MYO7A: variants seen among roughly 807,000 people sequenced by gnomAD.
MYO7A encodes the protein myosin VIIA, also known as unconventional myosin-VIIa.
Under a neutral mutation model 263.8 loss-of-function variants are expected in MYO7A, and 210 were observed. The observed-to-expected ratio is 0.80, with a 90% confidence interval of 0.71 to 0.89. The LOEUF (loss-of-function observed/expected upper bound fraction) is 0.89. Among genes scored for constraint, MYO7A ranks in the 40% least tolerant of loss-of-function variants. MYO7A has a pLI of 0.00. For synonymous variants in MYO7A, 1,239 were observed against 1,197.3 expected (o/e 1.03, Z -0.72); for missense variants, 2,820 against 2,968.3 (o/e 0.95, Z 1.16).
chr11:77,138,832 T>C lies in MYO7A; in HGVS notation c.19-3877T>C, dbSNP rs1555048962. Among the ~76,000 whole-genome samples, 1 of 152,218 alleles carries C rather than the reference T, an allele frequency of 6.6e-6. No homozygotes were observed. Among genetic ancestry groups the C allele is most frequent in the Non-Finnish European group, 1.5e-5 (1 of 68,040 alleles). The stretch of plus-strand genomic sequence containing the variant: ...GTTTAGCAACTAGACACTAGCAAGA[T>C]GCTTGGCTCACGTTTCCCATCTGTG... On this transcript the variant is annotated intron_variant, in intron 2 of 48. Transcript: ENST00000409709. The surrounding 1 kb of genome is among the most constrained non-coding windows in gnomAD (Gnocchi z 4.9).
intron 21 of MYO7A, 43 bp from the exon 22 acceptor site, chr11:77,180,331 G>T (rs782127624): frequency 1.3e-6 from 2 of 1,554,870 alleles, no homozygotes; most frequent in Non-Finnish European, 1.8e-6. Flanking sequence ...TGCAACAACA[G>T]CTACACACAT....
At position 77,201,428 on chromosome 11, in the gene MYO7A, C is replaced by T. The variant is rs1164905344; in HGVS notation, c.4853-20C>T. 3 of 1,607,810 alleles carry T rather than the reference C, an allele frequency of 1.9e-6. No individual in the cohort carries two copies. Among genetic ancestry groups the T allele is most frequent in the Non-Finnish European group, 2.5e-6 (3 of 1,176,796 alleles). ...CAGCCTGTCTCTGCCCCCATGGTCCCACTCACCTCTGCTCTACAGCAGGCG... is the reference window on the plus strand; with the variant it reads ...CAGCCTGTCTCTGCCCCCATGGTCCTACTCACCTCTGCTCTACAGCAGGCG... On this transcript the variant is annotated intron_variant, in intron 35 of 48. Transcript: ENST00000409709.
At chr11:77,189,785 G>A (rs1023629142) in intron 28 of MYO7A, among the ~76,000 whole-genome samples, 7 of 152,240 alleles carry the variant, frequency 4.6e-5, no homozygotes, top group Admixed American at 3.9e-4. Flanking sequence ...GGACCGACCC[G>A]ACTGGCTGGT....
chr11:77,191,282 T>G (rs1956048411), intron 30 of MYO7A: 1 of 162,536 alleles, frequency 6.2e-6, no homozygotes, highest in Non-Finnish European at 1.3e-5. Context: ...ATCGCACCAC[T>G]GCACTCCAGC....
At chr11:77,144,901 G>A (rs1555052793) in intron 3 of MYO7A, among the ~76,000 whole-genome samples, 2 of 152,182 alleles carry the variant, frequency 1.3e-5, no homozygotes, top group African/African-American at 4.8e-5. Context: ...GTCCAGGCCA[G>A]CTCTTTCCCA....
intron 1 of MYO7A, among the ~76,000 whole-genome samples, chr11:77,128,783 G>C (rs1555045271): frequency 6.6e-6 from 1 of 152,184 alleles, no homozygotes; most frequent in Non-Finnish European, 1.5e-5. Context: ...GAATAGACAT[G>C]CTGTGGTGGC....
intron 40 of MYO7A, 32 bp from the exon 41 acceptor site, chr11:77,206,065 C>A: frequency 6.5e-7 from 1 of 1,549,098 alleles, no homozygotes; most frequent in Admixed American, 1.8e-5. Flanking sequence ...GTCCCACGCA[C>A]ATGCCCCCTG....
chr11:77,192,390 C>T, intron 31 of MYO7A, 112 bp downstream of exon 31: 3 of 1,097,692 alleles, frequency 2.7e-6, no homozygotes, highest in Non-Finnish European at 4.1e-6. Flanking sequence ...TGGGGTGAGC[C>T]TGACTGCAAC....
chr11:77,164,105 C>T lies in MYO7A; in HGVS notation c.1690+1117C>T, dbSNP rs187988682. Reference sequence around the variant, plus strand: ...AAGACCAAGCATGAGCTTTGAAGACCGTGCATCTTCTTTTCCCCTGGGGAC... The same window carrying T: ...AAGACCAAGCATGAGCTTTGAAGACTGTGCATCTTCTTTTCCCCTGGGGAC... On this transcript the variant is annotated intron_variant, in intron 14 of 48. Transcript: ENST00000409709. 6.6e-5 allele frequency among the ~76,000 whole-genome samples: 10 copies of T among 152,300 alleles called. No homozygotes were observed. The East Asian group carries it at 7.7e-4, about 12-fold the overall frequency.
chr11:77,132,498 T>G (rs1950795958), intron 2 of MYO7A, among the ~76,000 whole-genome samples: 1 of 152,114 alleles, frequency 6.6e-6, no homozygotes, highest in Non-Finnish European at 1.5e-5. Flanking sequence ...TTTGTGTGTG[T>G]GTTTGTTTTG....
chr11:77,136,866 C>T lies in MYO7A; in HGVS notation c.19-5843C>T, dbSNP rs570166021. Among the ~76,000 whole-genome samples the T allele has an allele frequency of 7.2e-5, 11 of 152,286 alleles. No homozygotes were observed. In the South Asian group the frequency reaches 1.5e-3, roughly 20 times the overall value. On this transcript the variant is annotated intron_variant, in intron 2 of 48. Coordinates refer to ENST00000409709, the MANE Select transcript of MYO7A (RefSeq NM_000260.4). The stretch of plus-strand genomic sequence containing the variant: ...TAGTGGCCATGCTATCCTATGTCTC[C>T]GGGACTGATCTGCCTCTTATCTGGT...
Position 77,179,138 on chromosome 11 carries a change from C to T in MYO7A, c.2367+9C>T, listed in dbSNP as rs1202106053. 1.9e-6 allele frequency: 3 copies of T among 1,591,306 alleles called. No homozygotes were observed. The African/African-American group carries it at 4.0e-5, about 21-fold the overall frequency. ...GGAAGAACTACGGGCTGGTGAGCCT[C>T]CCCATGGGCTGCTCTTGCCCAAACA... On this transcript the variant is annotated intron_variant, in intron 20 of 48. Transcript: ENST00000409709.
intron 27 of MYO7A, 120 bp from the exon 28 acceptor site, chr11:77,189,224 G>A: frequency 7.0e-7 from 1 of 1,425,994 alleles, no homozygotes; most frequent in Non-Finnish European, 9.5e-7. Context: ...CTCCTCCCGG[G>A]TGGTCTTGGC....
rs1013364553 is a variant in MYO7A at position 77,200,052 on chromosome 11, T to C, written c.4852+234T>C. Among the ~76,000 whole-genome samples, 6 of 152,144 alleles carry C rather than the reference T, an allele frequency of 3.9e-5. No homozygotes were observed. The South Asian group carries it at 1.2e-3, about 32-fold the overall frequency. On this transcript the variant is annotated intron_variant, in intron 35 of 48. Coordinates refer to ENST00000409709, the MANE Select transcript of MYO7A (RefSeq NM_000260.4). ...GGGAGGCTGAGATGGGAGGATCACT[T>C]GAGGCCAGGAGTTCAAGACCAGCCT...
At position 77,160,898 on chromosome 11, in the gene MYO7A, C is replaced by T. The variant is rs1477123326; in HGVS notation, c.1201-75C>T. The T allele has an allele frequency of 2.2e-5, 34 of 1,525,614 alleles. 1 individual carries two copies. The highest frequency in any genetic ancestry group is 9.8e-5 in the Admixed American group (5 of 51,126). The allele number at this position is 1,525,614 out of a possible 1,614,324, so 94.5% of individuals were successfully genotyped here. A position where few individuals can be genotyped will look rare whatever the true frequency, so the allele number is the denominator to read the frequency against. ...CCACACAAGGGCTGGAGCGACACCA[C>T]GAAGGGTCCAGGAGCCTGGCCTGTC... On this transcript the variant is annotated intron_variant, in intron 11 of 48. Coordinates refer to ENST00000409709, the MANE Select transcript of MYO7A (RefSeq NM_000260.4).
intron 4 of MYO7A, among the ~76,000 whole-genome samples, chr11:77,148,848 A>G (rs1951768306): frequency 6.6e-6 from 1 of 152,232 alleles, no homozygotes; most frequent in Non-Finnish European, 1.5e-5. Flanking sequence ...TTGTTTTTAC[A>G]GATTTTTTCA....
chr11:77,170,463 C>G (rs562346191), intron 15 of MYO7A, among the ~76,000 whole-genome samples: 5 of 152,256 alleles, frequency 3.3e-5, no homozygotes, highest in African/African-American at 1.2e-4. Context: ...CACTGTGGGT[C>G]CCTACAAGGA....
At chr11:77,162,406 C>A (rs1237443042) in intron 13 of MYO7A, 76 bp downstream of exon 13, 8 of 1,392,920 alleles carry the variant, frequency 5.7e-6, no homozygotes, top group Non-Finnish European at 7.9e-6. Flanking sequence ...CCCCGGCTTT[C>A]CTCATCTGCA....
chr11:77,204,307 T>A, intron 39 of MYO7A, 78 bp downstream of exon 39: 1 of 1,508,768 alleles, frequency 6.6e-7, no homozygotes, highest in Non-Finnish European at 9.0e-7. Flanking sequence ...CTGAGGCAGC[T>A]GCTGGCTCTG....
Sources: gnomAD v4.1 joint callset for allele counts (sites outside exome capture counted in the v4.1 genomes callset) on GRCh38, gnomAD v4.1.1 for gene constraint, Gnocchi (gnomAD v3.1) non-coding constraint, MANE v1.5 for transcripts, NCBI Gene and HGNC (gene_info 2026-07-23, HGNC 2026-07-21) for gene names.